The following ADAM12 variants were observed in gnomAD, a reference collection of about 807,000 sequenced individuals.
ADAM12 encodes the protein ADAM metallopeptidase domain 12, also known as disintegrin and metalloproteinase domain-containing protein 12.
Under a neutral mutation model 106.4 loss-of-function variants are expected in ADAM12, and 70 were observed. The observed-to-expected ratio is 0.66, with a 90% confidence interval of 0.54 to 0.80. ADAM12 has a LOEUF of 0.80. ADAM12 is among the 30% of genes least tolerant of loss of function. The pLI, the probability that ADAM12 is intolerant of heterozygous loss-of-function variation, is 0.00. For missense variants in ADAM12, 1,010 were observed against 1,171.9 expected, an observed-to-expected ratio of 0.86 and a Z score of 2.02; for synonymous variants, 420 against 433.5, an observed-to-expected ratio of 0.97 and a Z score of 0.39.
chr10:126,158,102 G>T (rs1336920510), intron 3 of ADAM12, among the ~76,000 whole-genome samples: 1 of 152,202 alleles, frequency 6.6e-6, no homozygotes, highest in Non-Finnish European at 1.5e-5. Context: ...ACCAGAGACG[G>T]GGACTTGAGG....
chr10:126,290,816 T>C (rs1960116010), intron 2 of ADAM12, among the ~76,000 whole-genome samples: 1 of 152,204 alleles, frequency 6.6e-6, no homozygotes, highest in Admixed American at 6.5e-5. Flanking sequence ...CCCCTTCTTC[T>C]ATATGGGAAG....
intron 11 of ADAM12, among the ~76,000 whole-genome samples, chr10:126,085,310 C>CA (rs1425399061): frequency 3.9e-5 from 6 of 152,088 alleles, no homozygotes; most frequent in Admixed American, 2.6e-4. Flanking sequence ...GTGGAATAAA[C>CA]AAAAAATGAA....
chr10:126,036,152 C>CCAGGTA lies in ADAM12; in HGVS notation c.2522_2523insTACCTG (p.Gln841delinsHisThrTrp). On this transcript the variant is annotated protein_altering_variant, in exon 21 of 23. Transcript: ENST00000448723. ...ATTAGTACTGAAAGCATACCTGGGC[C>CCAGGTA]TGCCTAAGTGCAGGCTTGGCTGGCA... 1 of 1,465,324 alleles carries CCAGGTA rather than the reference C, an allele frequency of 6.8e-7. No individual in the cohort carries two copies. The highest frequency in any genetic ancestry group is 2.8e-5 in the Admixed American group (1 of 35,926). The allele number at this position is 1,465,324 out of a possible 1,614,324, so 90.8% of individuals were successfully genotyped here.
At chr10:126,306,340 G>A (rs930098844) in intron 2 of ADAM12, among the ~76,000 whole-genome samples, 1 of 151,922 alleles carries the variant, frequency 6.6e-6, no homozygotes, top group Non-Finnish European at 1.5e-5. Flanking sequence ...TATTATAATA[G>A]TTGAGCTCTA....
At position 126,086,680 on chromosome 10, in the gene ADAM12, A is replaced by AATATAT. The variant is rs1210379675; in HGVS notation, c.1145+7299_1145+7304dup. ...AAAAAAAAAAAAAAAAAAAAAAAAAAATATATATATATATATATATATATA... is the reference window on the plus strand; with the variant it reads ...AAAAAAAAAAAAAAAAAAAAAAAAAAATATATATATATATATATATATATATATATA... On this transcript the variant is annotated intron_variant, in intron 11 of 22. Transcript: ENST00000448723. 2.6e-3 allele frequency among the ~76,000 whole-genome samples: 62 copies of AATATAT among 24,232 alleles called. No individual in the cohort carries two copies. The East Asian group carries it at 0.033, about 13-fold the overall frequency. The allele number at this position is 24,232 out of a possible 152,430, so 15.9% of individuals were successfully genotyped here.
chr10:126,192,378 G>T (rs942133151), intron 3 of ADAM12, among the ~76,000 whole-genome samples: 1 of 152,204 alleles, frequency 6.6e-6, no homozygotes, highest in Non-Finnish European at 1.5e-5. Flanking sequence ...CACCCTGTCT[G>T]CTGGAGGCAC....
rs570972014 is a variant in ADAM12 at position 126,037,038 on chromosome 10, C to G, written c.2350-713G>C. On this transcript the variant is annotated intron_variant, in intron 20 of 22. Transcript: ENST00000448723. Reference sequence around the variant, plus strand: ...TGTCATGCTTCTCCCTTCCCTCTCCCTCCAATCATCAGTCTGCTTTCTGTC... The same window carrying G: ...TGTCATGCTTCTCCCTTCCCTCTCCGTCCAATCATCAGTCTGCTTTCTGTC... 1.6e-4 allele frequency among the ~76,000 whole-genome samples: 25 copies of G among 152,268 alleles called. 1 individual carries two copies. The South Asian group carries it at 4.4e-3, about 27-fold the overall frequency.
intron 1 of ADAM12, among the ~76,000 whole-genome samples, chr10:126,346,107 T>C (rs1232327119): frequency 8.5e-5 from 13 of 152,236 alleles, no homozygotes; most frequent in Non-Finnish European, 1.6e-4. Flanking sequence ...CTTTTAAATG[T>C]GATGTTAAGG....
intron 8 of ADAM12, among the ~76,000 whole-genome samples, chr10:126,103,062 T>C (rs1955698748): frequency 6.6e-6 from 1 of 152,180 alleles, no homozygotes; most frequent in Non-Finnish European, 1.5e-5. Context: ...GAGTGTTGCA[T>C]GGAGCCAGTA....
intron 10 of ADAM12, among the ~76,000 whole-genome samples, chr10:126,094,389 T>A (rs1384473677): frequency 6.6e-6 from 1 of 152,200 alleles, no homozygotes; most frequent in African/African-American, 2.4e-5. Context: ...TTCTTTATGT[T>A]TTTACATGAC....
At chr10:126,143,864 A>G (rs1183324124) in intron 4 of ADAM12, among the ~76,000 whole-genome samples, 1 of 152,170 alleles carries the variant, frequency 6.6e-6, no homozygotes, top group Non-Finnish European at 1.5e-5. Flanking sequence ...AAGCCCCAAC[A>G]TACTACATGT....
At chr10:126,386,615 G>A (rs545646094) in intron 1 of ADAM12, among the ~76,000 whole-genome samples, 2 of 151,904 alleles carry the variant, frequency 1.3e-5, no homozygotes, top group South Asian at 2.1e-4. Flanking sequence ...GTCCTCCCCC[G>A]CCCACACACA....
intron 1 of ADAM12, among the ~76,000 whole-genome samples, chr10:126,368,356 G>GTTTTTTTTTT (rs34317249): frequency 8.4e-6 from 1 of 118,404 alleles, no homozygotes. Context: ...TGTGTGATTT[G>GTTTTTTTTTT]TTTTTTTTTT....
At chr10:126,306,215 T>C (rs1338476056) in intron 2 of ADAM12, among the ~76,000 whole-genome samples, 8 of 152,034 alleles carry the variant, frequency 5.3e-5, no homozygotes, top group South Asian at 2.1e-4. Flanking sequence ...CTTTCTCTTA[T>C]AGCAGCTTCT....
At chr10:126,319,140 T>C (rs371633080) in intron 2 of ADAM12, among the ~76,000 whole-genome samples, 4 of 152,084 alleles carry the variant, frequency 2.6e-5, no homozygotes, top group South Asian at 4.2e-4. Context: ...CGTTAAATGA[T>C]TAAAAACATA....
At chr10:126,368,758 T>A (rs1324775817) in intron 1 of ADAM12, among the ~76,000 whole-genome samples, 2 of 151,914 alleles carry the variant, frequency 1.3e-5, no homozygotes, top group South Asian at 2.1e-4. Context: ...TAAAATCACT[T>A]CAAAAGTTTA....
At position 126,276,445 on chromosome 10, in the gene ADAM12, C is replaced by T. The variant is rs140255044; in HGVS notation, c.260+2470G>A. On this transcript the variant is annotated intron_variant, in intron 3 of 22. Coordinates refer to ENST00000448723, the MANE Select transcript of ADAM12 (RefSeq NM_001288973.2). ...GCATTACATGCTAGTAGTGCACAAG[C>T]ATTTCACTCTACTTGATTTTTTTTG... Among the ~76,000 whole-genome samples, 443 of 152,280 alleles carry T rather than the reference C, an allele frequency of 2.9e-3. 1 individual carries two copies. Among genetic ancestry groups the T allele is most frequent in the African/African-American group, 0.01 (434 of 41,582 alleles).
intron 3 of ADAM12, among the ~76,000 whole-genome samples, chr10:126,224,244 G>A (rs1364582222): frequency 6.6e-6 from 1 of 152,148 alleles, no homozygotes; most frequent in African/African-American, 2.4e-5. Flanking sequence ...CCACCCTCAT[G>A]TTCAGCTCCT....
At chr10:126,021,763 T>C (rs1024700925) in intron 21 of ADAM12, among the ~76,000 whole-genome samples, 2 of 152,164 alleles carry the variant, frequency 1.3e-5, no homozygotes, top group Non-Finnish European at 2.9e-5. Flanking sequence ...TTAAATGAGA[T>C]ATTGAGGCTC....
Sources: allele counts gnomAD v4.1 joint callset (sites outside exome capture counted in the v4.1 genomes callset), GRCh38; gene constraint gnomAD v4.1.1; transcripts MANE v1.5; gene names NCBI Gene and HGNC (gene_info 2026-07-23, HGNC 2026-07-21).